PAK1: variants seen among roughly 807,000 people sequenced by gnomAD.
PAK1 encodes the protein serine/threonine-protein kinase PAK 1.
A neutral mutation model predicts 67.4 loss-of-function variants in PAK1; 29 were observed. The observed-to-expected ratio is 0.43, with a 90% CI of 0.32 to 0.59. The LOEUF (loss-of-function observed/expected upper bound fraction) is 0.59. PAK1 is among the 20% of genes least tolerant of loss of function. PAK1 has a pLI of 0.07. For missense variants in PAK1, 337 were observed against 670.7 expected (o/e 0.50, Z 5.50); for synonymous variants, 223 against 237.4 (o/e 0.94, Z 0.56).
At chr11:77,415,704 G>A (rs1000971906) in intron 1 of PAK1, among the ~76,000 whole-genome samples, 2 of 152,074 alleles carry the variant, frequency 1.3e-5, no homozygotes, top group African/African-American at 4.8e-5. Context: ...CAGTGAGTGA[G>A]AGGTAAGTGA....
At chr11:77,526,923 A>T in the PAK1 span, among the ~76,000 whole-genome samples, 1 of 152,122 alleles carries the variant, frequency 6.6e-6, no homozygotes, top group African/African-American at 2.4e-5. Context: ...CGCAAAAAAA[A>T]AAAAAAGGGC....
At chr11:77,521,484 G>A in the PAK1 span, among the ~76,000 whole-genome samples, 5 of 151,984 alleles carry the variant, frequency 3.3e-5, no homozygotes, top group South Asian at 2.1e-4. Context: ...AGCCAAGATC[G>A]TGCCATTGCA....
the PAK1 span, among the ~76,000 whole-genome samples, chr11:77,487,338 G>C: frequency 6.6e-6 from 1 of 152,174 alleles, no homozygotes; most frequent in Non-Finnish European, 1.5e-5. Context: ...CCCTGGGTGA[G>C]AGATTCAGAG....
chr11:77,417,746 T>C (rs1396468990), intron 1 of PAK1, among the ~76,000 whole-genome samples: 1 of 151,854 alleles, frequency 6.6e-6, no homozygotes, highest in South Asian at 2.1e-4. Flanking sequence ...TTCTTTTTTT[T>C]TTTTTGAGAC....
intron 1 of PAK1, among the ~76,000 whole-genome samples, chr11:77,451,220 G>A (rs898008792): frequency 2.0e-5 from 3 of 151,826 alleles, no homozygotes; most frequent in African/African-American, 7.3e-5. Flanking sequence ...AACAGCAGAC[G>A]CAAGAAAGTA....
At chr11:77,529,379 A>T in the PAK1 span, among the ~76,000 whole-genome samples, 1 of 152,248 alleles carries the variant, frequency 6.6e-6, no homozygotes, top group African/African-American at 2.4e-5. Context: ...CAGAGGAAAG[A>T]TATTATATCA....
At chr11:77,516,838 CAAAAAAAAAAA>C in the PAK1 span, among the ~76,000 whole-genome samples, 1 of 95,424 alleles carries the variant, frequency 1.0e-5, no homozygotes, top group Non-Finnish European at 2.0e-5. Flanking sequence ...CCCCATCTCT[CAAAAAAAAAAA>C]AAAAAAAAAA....
At chr11:77,462,625 T>C (rs1957402530) in intron 1 of PAK1, among the ~76,000 whole-genome samples, 1 of 151,804 alleles carries the variant, frequency 6.6e-6, no homozygotes, top group South Asian at 2.1e-4. Flanking sequence ...TGAGGTCAGG[T>C]GTCTGAGACC....
intron 14 of PAK1, chr11:77,325,365 C>G (rs777444691): frequency 6.2e-7 from 1 of 1,613,606 alleles, no homozygotes; most frequent in Non-Finnish European, 8.5e-7. Flanking sequence ...CTTGAAACCT[C>G]AGTTTTCTCA....
intron 1 of PAK1, among the ~76,000 whole-genome samples, chr11:77,444,291 A>AG (rs1454471371): frequency 6.6e-6 from 1 of 151,196 alleles, no homozygotes; most frequent in Non-Finnish European, 1.5e-5. Context: ...AGCTCTAAAA[A>AG]AAAAAAAAAA....
the PAK1 span, among the ~76,000 whole-genome samples, chr11:77,497,610 T>C: frequency 6.6e-6 from 1 of 152,220 alleles, no homozygotes; most frequent in African/African-American, 2.4e-5. Flanking sequence ...GTGTGGTGTA[T>C]TTCTATCAAG....
At chr11:77,379,140 C>T (rs1289243632) in intron 4 of PAK1, 101 bp downstream of exon 4, 8 of 1,006,250 alleles carry the variant, frequency 8.0e-6, no homozygotes, top group East Asian at 2.6e-5. Context: ...CCACTCTTTC[C>T]ACTACTTTCT....
At chr11:77,485,889 T>C in the PAK1 span, among the ~76,000 whole-genome samples, 1 of 152,210 alleles carries the variant, frequency 6.6e-6, no homozygotes, top group Non-Finnish European at 1.5e-5. Flanking sequence ...GGTAGTTCCG[T>C]CGATGGTTTT....
At chr11:77,503,849 C>T in the PAK1 span, among the ~76,000 whole-genome samples, 3 of 152,144 alleles carry the variant, frequency 2.0e-5, no homozygotes, top group African/African-American at 7.2e-5. Flanking sequence ...AAGACCTTGT[C>T]TCAAAAATAA....
intron 1 of PAK1, among the ~76,000 whole-genome samples, chr11:77,425,528 T>C (rs937834874): frequency 1.3e-5 from 2 of 152,212 alleles, no homozygotes; most frequent in African/African-American, 4.8e-5. Flanking sequence ...GCCCCACGGC[T>C]ATCTCTGTGG....
intron 5 of PAK1, among the ~76,000 whole-genome samples, chr11:77,365,978 C>A (rs1465579331): frequency 1.3e-5 from 2 of 152,084 alleles, no homozygotes; most frequent in Non-Finnish European, 2.9e-5. Flanking sequence ...CAGCTGACTG[C>A]TGATCAGAGT....
rs536377553 is a variant in PAK1 at position 77,473,769 on chromosome 11, G to A, written c.-239C>T. ...CGGGAGGGAGCGAGGCGACGCGGGC[G>A]GGGGGGGAAGGGGGGACTGAGGGGC... On this transcript the variant is annotated 5_prime_UTR_variant, in exon 1 of 15. Transcript: ENST00000356341. The A allele has an allele frequency of 1.3e-5, 2 of 151,020 alleles. No homozygotes were observed. Among genetic ancestry groups the A allele is most frequent in the African/African-American group, 4.9e-5 (2 of 41,156 alleles). 9.4% of individuals were successfully genotyped at this position (151,020 alleles called of 1,614,324 possible). A position where few individuals can be genotyped will look rare whatever the true frequency, so the allele number is the denominator to read the frequency against.
chr11:77,425,801 T>C (rs1176512485), intron 1 of PAK1, among the ~76,000 whole-genome samples: 1 of 152,152 alleles, frequency 6.6e-6, no homozygotes, highest in Non-Finnish European at 1.5e-5. Context: ...TTATCCTAGC[T>C]AAAACTACAA....
At chr11:77,493,474 T>TTA in the PAK1 span, among the ~76,000 whole-genome samples, 1 of 135,364 alleles carries the variant, frequency 7.4e-6, no homozygotes, top group East Asian at 2.0e-4. Context: ...TTTTTTTTTT[T>TTA]AGTAGAGACG....
Sources: gnomAD v4.1 joint callset for allele counts (sites outside exome capture counted in the v4.1 genomes callset) on GRCh38, gnomAD v4.1.1 for gene constraint, MANE v1.5 for transcripts, NCBI Gene and HGNC (gene_info 2026-07-23, HGNC 2026-07-21) for gene names.